Variants in DAB1 observed in about 807,000 individuals in gnomAD.
DAB1 encodes the protein disabled homolog 1.
In DAB1, 15 loss-of-function variants were observed where a neutral mutation model predicts 64.6. The ratio of observed to expected loss-of-function variants is 0.23; its 90% CI spans 0.16 to 0.36. The LOEUF is 0.36. DAB1 is among the 10% of genes least tolerant of loss of function. DAB1 has a pLI of 1.00. For synonymous variants in DAB1, 235 were observed against 251.9 expected, an observed-to-expected ratio of 0.93 and a Z score of 0.64; for missense variants, 596 against 706.7, an observed-to-expected ratio of 0.84 and a Z score of 1.78.
intron 7 of DAB1, among the ~76,000 whole-genome samples, chr1:57,566,887 A>G (rs1239459282): frequency 6.6e-6 from 1 of 152,200 alleles, no homozygotes; most frequent in Non-Finnish European, 1.5e-5. Flanking sequence ...AACTATTCCA[A>G]TCAATAGAAA....
At position 57,167,469 on chromosome 1, in the gene DAB1, T is replaced by C. The variant is rs75524270; in HGVS notation, c.68-22040A>G. Among the ~76,000 whole-genome samples the C allele has an allele frequency of 6.7e-3, 1,017 of 152,274 alleles. 24 individuals carry two copies. In the East Asian group the frequency reaches 0.069, roughly 10 times the overall value. On this transcript the variant is annotated intron_variant, in intron 2 of 14. Coordinates refer to ENST00000371236, the MANE Select transcript of DAB1 (RefSeq NM_001365792.1). The stretch of plus-strand genomic sequence containing the variant: ...TCCTTTGCACACTGTTTCTTCTAGA[T>C]CCTTAATGGAGCATTCTCTTGTGGT...
intron 5 of DAB1, among the ~76,000 whole-genome samples, chr1:58,146,080 T>C (rs528517981): frequency 6.6e-5 from 10 of 152,358 alleles, no homozygotes; most frequent in African/African-American, 1.9e-4. Context: ...TAGCTTACTT[T>C]ATTGTAAAAA....
chr1:58,208,519 C>T (rs1052812963), intron 4 of DAB1, among the ~76,000 whole-genome samples: 7 of 152,124 alleles, frequency 4.6e-5, no homozygotes, highest in African/African-American at 1.4e-4. Context: ...GCTTAGCTCC[C>T]ACTTATAAGT....
chr1:58,027,019 T>G (rs1348247916), intron 5 of DAB1, among the ~76,000 whole-genome samples: 1 of 152,164 alleles, frequency 6.6e-6, no homozygotes, highest in African/African-American at 2.4e-5. Flanking sequence ...AAAACCACCC[T>G]TGGAATTTTG....
chr1:57,457,394 T>C (rs1170204309), intron 7 of DAB1, among the ~76,000 whole-genome samples: 1 of 152,176 alleles, frequency 6.6e-6, no homozygotes, highest in Non-Finnish European at 1.5e-5. Context: ...TGAATAGATC[T>C]CTTCTGTTAA....
intron 1 of DAB1, among the ~76,000 whole-genome samples, chr1:57,389,544 A>G (rs977823211): frequency 3.3e-5 from 5 of 152,134 alleles, no homozygotes; most frequent in African/African-American, 1.2e-4. Context: ...CCCACTGCAT[A>G]TATGATGAAC....
intron 1 of DAB1, among the ~76,000 whole-genome samples, chr1:57,418,706 T>A (rs1684678572): frequency 6.6e-6 from 1 of 152,044 alleles, no homozygotes; most frequent in Non-Finnish European, 1.5e-5. Context: ...TTTATGAGAC[T>A]CCCCCACTGG....
chr1:57,272,980 C>T (rs1487051764), intron 2 of DAB1, among the ~76,000 whole-genome samples: 1 of 152,156 alleles, frequency 6.6e-6, no homozygotes, highest in Non-Finnish European at 1.5e-5. Flanking sequence ...TCTGTTCCCC[C>T]CCATTTCAGC....
At chr1:58,147,157 A>T (rs577424100) in intron 5 of DAB1, among the ~76,000 whole-genome samples, 1 of 152,156 alleles carries the variant, frequency 6.6e-6, no homozygotes, top group East Asian at 1.9e-4. Context: ...AAATACAAAA[A>T]TTAGCCGGGC....
At chr1:57,390,644 A>G (rs1036563977) in intron 1 of DAB1, among the ~76,000 whole-genome samples, 8 of 152,204 alleles carry the variant, frequency 5.3e-5, no homozygotes, top group South Asian at 2.1e-4. Context: ...TTCCCTTCAA[A>G]GGGGCCTATA....
intron 6 of DAB1, among the ~76,000 whole-genome samples, chr1:57,810,112 C>T (rs956619194): frequency 1.3e-5 from 2 of 152,132 alleles, no homozygotes; most frequent in Admixed American, 6.6e-5. Flanking sequence ...AACCTTCTCT[C>T]CCCCAGCCTT....
intron 7 of DAB1, among the ~76,000 whole-genome samples, chr1:57,451,695 TAC>T (rs1686373895): frequency 6.6e-6 from 1 of 152,180 alleles, no homozygotes. Flanking sequence ...AAGTCGCTTA[TAC>T]ATTGTTACCT....
At chr1:57,600,452 TA>T (rs1416641147) in intron 7 of DAB1, among the ~76,000 whole-genome samples, 1 of 152,172 alleles carries the variant, frequency 6.6e-6, no homozygotes, top group African/African-American at 2.4e-5. Flanking sequence ...AAGCAGGACT[TA>T]AAATAAAATC....
intron 1 of DAB1, among the ~76,000 whole-genome samples, chr1:57,295,730 G>A (rs1343948657): frequency 5.9e-5 from 9 of 152,114 alleles, no homozygotes; most frequent in Admixed American, 5.9e-4. Context: ...TGATGTGACT[G>A]GGTGCCAGGG....
At chr1:58,323,516 A>G (rs1662743445) in intron 4 of DAB1, among the ~76,000 whole-genome samples, 1 of 152,142 alleles carries the variant, frequency 6.6e-6, no homozygotes, top group African/African-American at 2.4e-5. Context: ...AAGAGGCATC[A>G]TAACACCACT....
chr1:57,618,452 G>A (rs1645815951), intron 7 of DAB1, among the ~76,000 whole-genome samples: 4 of 149,142 alleles, frequency 2.7e-5, no homozygotes, highest in Admixed American at 2.7e-4. Context: ...AGGCTGACAA[G>A]TCTTCCTTTA....
chr1:57,200,695 T>C (rs1357796658), intron 2 of DAB1, among the ~76,000 whole-genome samples: 2 of 152,230 alleles, frequency 1.3e-5, no homozygotes, highest in African/African-American at 2.4e-5. Context: ...TATAGCTTTA[T>C]TTGACCAGCC....
At chr1:57,029,920 T>C (rs1406314658) in intron 9 of DAB1, among the ~76,000 whole-genome samples, 2 of 152,206 alleles carry the variant, frequency 1.3e-5, no homozygotes, top group East Asian at 3.8e-4. Flanking sequence ...GGGTTAATGC[T>C]GAAATGAGTT....
At chr1:58,495,353 G>A (rs928588227) in intron 3 of DAB1, among the ~76,000 whole-genome samples, 6 of 151,964 alleles carry the variant, frequency 3.9e-5, no homozygotes, top group African/African-American at 1.2e-4. Flanking sequence ...ACACCAACAT[G>A]GCACATGTAT....
Sources: gnomAD v4.1 joint callset for allele counts (sites outside exome capture counted in the v4.1 genomes callset) on GRCh38, gnomAD v4.1.1 for gene constraint, MANE v1.5 for transcripts, NCBI Gene and HGNC (gene_info 2026-07-23, HGNC 2026-07-21) for gene names.